FSIP1: variants seen among roughly 807,000 people sequenced by gnomAD.
The protein encoded by FSIP1 is fibrous sheath-interacting protein 1.
Under a neutral mutation model 60.9 loss-of-function variants are expected in FSIP1, and 65 were observed. The observed-to-expected ratio is 1.07, with a 90% CI of 0.87 to 1.31. The LOEUF is 1.31. Ranked by LOEUF, FSIP1 falls within the 40% of genes most tolerant of loss-of-function variation. FSIP1 has a pLI of 0.00. For missense variants in FSIP1, 675 were observed against 665.5 expected (o/e 1.01, Z -0.16); for synonymous variants, 209 against 221.2 (o/e 0.94, Z 0.49).
intron 10 of FSIP1, among the ~76,000 whole-genome samples, chr15:39,684,570 T>C (rs1244267705): frequency 6.6e-6 from 1 of 152,178 alleles, no homozygotes; most frequent in African/African-American, 2.4e-5. Context: ...GAAAACCAAA[T>C]AGAGAAAGCT....
chr15:39,677,167 C>A (rs976331350), intron 10 of FSIP1, among the ~76,000 whole-genome samples: 8 of 152,112 alleles, frequency 5.3e-5, no homozygotes, highest in African/African-American at 1.7e-4. Flanking sequence ...ATGTCAAAAA[C>A]CATTACGTAT....
chr15:39,607,371 T>C (rs1890864504), intron 11 of FSIP1, among the ~76,000 whole-genome samples: 1 of 152,200 alleles, frequency 6.6e-6, no homozygotes, highest in Non-Finnish European at 1.5e-5. Context: ...TACATTTCAT[T>C]AGCAATAAAG....
At chr15:39,742,297 G>A (rs1480453034) in intron 5 of FSIP1, among the ~76,000 whole-genome samples, 3 of 152,152 alleles carry the variant, frequency 2.0e-5, no homozygotes, top group African/African-American at 7.2e-5. Flanking sequence ...GGTCCCCAAG[G>A]TGGAGACTTC....
At chr15:39,633,841 G>T (rs1389405936) in intron 10 of FSIP1, among the ~76,000 whole-genome samples, 1 of 152,182 alleles carries the variant, frequency 6.6e-6, no homozygotes, top group Non-Finnish European at 1.5e-5. Context: ...AGACTTTGCT[G>T]TCATACACAC....
At chr15:39,736,643 G>C (rs375284758) in intron 8 of FSIP1, among the ~76,000 whole-genome samples, 2 of 152,202 alleles carry the variant, frequency 1.3e-5, no homozygotes, top group Admixed American at 1.3e-4. Flanking sequence ...CACTGCACAT[G>C]CACTGCTTTT....
chr15:39,781,510 T>C (rs1898263563), intron 1 of FSIP1, among the ~76,000 whole-genome samples: 2 of 152,100 alleles, frequency 1.3e-5, no homozygotes, highest in South Asian at 4.1e-4. Flanking sequence ...AAAAAACCTG[T>C]ACATGAATAT....
chr15:39,762,637 C>T (rs1193770685), intron 5 of FSIP1, among the ~76,000 whole-genome samples: 1 of 152,188 alleles, frequency 6.6e-6, no homozygotes, highest in Non-Finnish European at 1.5e-5. Context: ...CCTTGGGTAA[C>T]CTGACCTCTT....
intron 10 of FSIP1, among the ~76,000 whole-genome samples, chr15:39,656,770 G>C (rs957592025): frequency 6.6e-5 from 10 of 152,126 alleles, no homozygotes; most frequent in Non-Finnish European, 1.3e-4. Flanking sequence ...GAAGGGTTCT[G>C]AACTATTAAT....
At chr15:39,765,241 C>CTTTTTTTTT (rs71132116) in intron 4 of FSIP1, among the ~76,000 whole-genome samples, 4 of 115,172 alleles carry the variant, frequency 3.5e-5, no homozygotes, top group Non-Finnish European at 3.5e-5. Flanking sequence ...GAAATTCTTT[C>CTTTTTTTTT]TTTTTTTTTT....
At chr15:39,739,009 C>A (rs942106254) in intron 7 of FSIP1, among the ~76,000 whole-genome samples, 1 of 152,270 alleles carries the variant, frequency 6.6e-6, no homozygotes, top group Non-Finnish European at 1.5e-5. Context: ...GTGTGCAGAG[C>A]TTCTGTCCTC....
At chr15:39,765,315 T>G (rs1225382559) in intron 4 of FSIP1, among the ~76,000 whole-genome samples, 6 of 148,256 alleles carry the variant, frequency 4.0e-5, no homozygotes, top group East Asian at 4.0e-4. Flanking sequence ...TCATAGCTAC[T>G]GCATAGCATT....
intron 1 of FSIP1, among the ~76,000 whole-genome samples, chr15:39,777,213 C>T (rs1299059990): frequency 6.6e-6 from 1 of 152,052 alleles, no homozygotes; most frequent in Non-Finnish European, 1.5e-5. Context: ...CTGCTACTTT[C>T]TTTCGGTTTT....
intron 9 of FSIP1, among the ~76,000 whole-genome samples, chr15:39,722,775 T>G (rs1262049250): frequency 6.6e-6 from 1 of 151,802 alleles, no homozygotes; most frequent in Non-Finnish European, 1.5e-5. Flanking sequence ...TAAAAAAAAT[T>G]AAAAAATTAG....
intron 5 of FSIP1, among the ~76,000 whole-genome samples, chr15:39,756,520 A>G (rs1442839119): frequency 6.6e-6 from 1 of 151,948 alleles, no homozygotes; most frequent in Non-Finnish European, 1.5e-5. Context: ...AATATTTTGT[A>G]TAGACAAGGT....
intron 10 of FSIP1, among the ~76,000 whole-genome samples, chr15:39,689,798 G>T (rs1210204288): frequency 6.6e-6 from 1 of 152,158 alleles, no homozygotes; most frequent in Non-Finnish European, 1.5e-5. Flanking sequence ...ATAAATCACT[G>T]AAGTCCTCAA....
chr15:39,613,487 C>T (rs568879957), intron 11 of FSIP1, among the ~76,000 whole-genome samples: 1 of 152,120 alleles, frequency 6.6e-6, no homozygotes, highest in Non-Finnish European at 1.5e-5. Flanking sequence ...AAAAAAGGCC[C>T]AGGGCCAGAT....
chr15:39,707,706 G>A (rs1027012516), intron 10 of FSIP1, among the ~76,000 whole-genome samples: 2 of 152,130 alleles, frequency 1.3e-5, no homozygotes, highest in Non-Finnish European at 2.9e-5. Flanking sequence ...AGCCCTATGA[G>A]GTGAGTGTTA....
chr15:39,643,918 T>A (rs1209678445), intron 10 of FSIP1, among the ~76,000 whole-genome samples: 1 of 152,360 alleles, frequency 6.6e-6, no homozygotes, highest in East Asian at 1.9e-4. Flanking sequence ...TGGAAAATTC[T>A]GCAATGCTAA....
chr15:39,645,742 C>A (rs1037343978), intron 10 of FSIP1, among the ~76,000 whole-genome samples: 1 of 152,134 alleles, frequency 6.6e-6, no homozygotes, highest in Non-Finnish European at 1.5e-5. Flanking sequence ...AGGTTCCCTG[C>A]CCCTGTCCCT....
Sources: allele counts gnomAD v4.1 joint callset (sites outside exome capture counted in the v4.1 genomes callset), GRCh38; gene constraint gnomAD v4.1.1; transcripts MANE v1.5; gene names NCBI Gene and HGNC (gene_info 2026-07-23, HGNC 2026-07-21).